Variants in AKAP11 observed in about 807,000 individuals in gnomAD.
AKAP11 encodes A-kinase anchor protein 11.
In AKAP11, 36 loss-of-function variants were observed where a neutral mutation model predicts 146.1. The ratio of observed to expected loss-of-function variants is 0.25; its 90% CI spans 0.19 to 0.33. The LOEUF is 0.33. Ranked by LOEUF, AKAP11 falls within the 10% of genes least tolerant of loss-of-function variation. The pLI is 1.00. For missense variants in AKAP11, 2,201 were observed against 2,197.0 expected (o/e 1.00, Z -0.04); for synonymous variants, 780 against 786.5 (o/e 0.99, Z 0.14).
At chr13:42,303,970 A>G in intron 8 of AKAP11, 107 bp downstream of exon 8, 1 of 1,356,680 alleles carries the variant, frequency 7.4e-7, no homozygotes, top group Admixed American at 3.0e-5. Flanking sequence ...TTAACCCTAC[A>G]TAAACAAAAG....
At chr13:42,272,529 C>A (rs1958798888) in intron 1 of AKAP11, among the ~76,000 whole-genome samples, 2 of 152,168 alleles carry the variant, frequency 1.3e-5, no homozygotes, top group African/African-American at 4.8e-5. Context: ...GCTGCCGCCC[C>A]TTTTAATGAC....
intron 1 of AKAP11, among the ~76,000 whole-genome samples, chr13:42,278,667 A>G (rs1958984679): frequency 6.6e-6 from 1 of 152,198 alleles, no homozygotes; most frequent in African/African-American, 2.4e-5. Flanking sequence ...TTAAACAGTT[A>G]TATTTTAACT....
At chr13:42,299,249 T>A (rs1442671526) in intron 7 of AKAP11, 114 bp from the exon 8 acceptor site, 1 of 852,372 alleles carries the variant, frequency 1.2e-6, no homozygotes, top group Non-Finnish European at 1.8e-6. Flanking sequence ...AAACATAGTT[T>A]AGAAGATACA....
chr13:42,319,327 G>C lies in AKAP11; in HGVS notation c.*99G>C. On this transcript the variant is annotated 3_prime_UTR_variant, in exon 13 of 13. Transcript: ENST00000025301. ...AATTTGAATAGTGAATATTAACATCGTAAGTCAGTTGGGAGGCAAGTAAAT... is the reference window on the plus strand; with the variant it reads ...AATTTGAATAGTGAATATTAACATCCTAAGTCAGTTGGGAGGCAAGTAAAT... 1 of 1,453,756 alleles carries C rather than the reference G, an allele frequency of 6.9e-7. No homozygotes were observed. Among genetic ancestry groups the C allele is most frequent in the Non-Finnish European group, 9.2e-7 (1 of 1,088,794 alleles). 90.1% of individuals were successfully genotyped at this position (1,453,756 alleles called of 1,614,324 possible).
intron 11 of AKAP11, among the ~76,000 whole-genome samples, chr13:42,314,891 G>A (rs1268976353): frequency 2.6e-5 from 4 of 151,902 alleles, no homozygotes; most frequent in African/African-American, 7.3e-5. Context: ...TCATGTTAGA[G>A]TATCTGAGTT....
chr13:42,320,339 A>G lies in AKAP11; in HGVS notation c.*1111A>G, dbSNP rs1346781028. 2.4e-5 allele frequency: 3 copies of G among 125,944 alleles called. No individual in the cohort carries two copies. Among genetic ancestry groups the G allele is most frequent in the African/African-American group, 9.2e-5 (3 of 32,526 alleles). The allele number at this position is 125,944 out of a possible 1,614,324, so 7.8% of individuals were successfully genotyped here. A position where few individuals can be genotyped will look rare whatever the true frequency, so the allele number is the denominator to read the frequency against. On this transcript the variant is annotated 3_prime_UTR_variant, in exon 13 of 13. Coordinates refer to ENST00000025301, the MANE Select transcript of AKAP11 (RefSeq NM_016248.4). Reference sequence around the variant, plus strand: ...CCACCCCGCCCCACCCAGATAAACTATATCTACACTGTCTCGTCAAGTTCT... The same window carrying G: ...CCACCCCGCCCCACCCAGATAAACTGTATCTACACTGTCTCGTCAAGTTCT...
At chr13:42,310,095 A>G (rs1198392973) in intron 9 of AKAP11, among the ~76,000 whole-genome samples, 1 of 152,244 alleles carries the variant, frequency 6.6e-6, no homozygotes, top group East Asian at 1.9e-4. Context: ...GACCAAATCA[A>G]GCTGAGGTTA....
Position 42,300,891 on chromosome 13 carries a change from G to A in AKAP11, c.2145G>A (p.Lys715=). 1.2e-6 allele frequency: 2 copies of A among 1,614,114 alleles called. No individual in the cohort carries two copies. The highest frequency in any genetic ancestry group is 2.2e-5 in the East Asian group (1 of 44,884). ...LSQVDVTFTT[K]AAVSVSTDNI... ...AAGTTGATGTGACCTTTACAACAAA[G>A]GCAGCAGTTAGTGTCTCTACGGATA... The change falls in exon 8 of 13, where the codon AAG becomes AAA. Residue 715 remains lysine, a synonymous_variant. Transcript: ENST00000025301.
In AKAP11 at chr13:42,302,403, TAAC is replaced by T. The variant is rs1211144899; in HGVS notation, c.3660_3662del (p.Asn1220del). On this transcript the variant is annotated inframe_deletion, in exon 8 of 13. Transcript: ENST00000025301. Reference sequence around the variant, plus strand: ...CTGAAATGGCAGCTTCCCATTTAGATAACAAAATAATTCAAGAACCCAAGGTTA... The same window carrying T: ...CTGAAATGGCAGCTTCCCATTTAGATAAAATAATTCAAGAACCCAAGGTTA... 1.2e-6 allele frequency: 2 copies of T among 1,613,978 alleles called. No individual in the cohort carries two copies. Among genetic ancestry groups the T allele is most frequent in the African/African-American group, 1.3e-5 (1 of 74,912 alleles).
rs980954260 is a variant in AKAP11, at chr13:42,286,336, A to G, written c.-13A>G. 2 of 1,590,446 alleles carry G rather than the reference A, an allele frequency of 1.3e-6. No homozygotes were observed. Among genetic ancestry groups the G allele is most frequent in the African/African-American group, 1.4e-5 (1 of 73,760 alleles). Reference sequence around the variant, plus strand: ...ATTAACTCTTCATTGATTATATACAACAAAAAATAGTTATGGCGACTTTCA... The same window carrying G: ...ATTAACTCTTCATTGATTATATACAGCAAAAAATAGTTATGGCGACTTTCA... On this transcript the variant is annotated 5_prime_UTR_variant, in exon 3 of 13. Transcript: ENST00000025301.
Position 42,301,867 on chromosome 13 carries a change from A to G in AKAP11, c.3121A>G (p.Lys1041Glu). Residue 1041 changes from lysine to glutamate, a missense_variant, in exon 8 of 13, where the codon AAG becomes GAG. Around this residue, in one of 3 missense-constraint regions of AKAP11, gnomAD observed 1,867 missense variants for 1,833.5 expected, o/e 1.02. Transcript: ENST00000025301. Reference sequence around the variant, plus strand: ...GAAATCTGACTTGAAGGAATCTGCTAAGGATCAACCACTGAAAAAGCATAA... The same window carrying G: ...GAAATCTGACTTGAAGGAATCTGCTGAGGATCAACCACTGAAAAAGCATAA... Reference protein sequence around the residue: ...GQKSDLKESAKDQPLKKHNLN... With the variant: ...GQKSDLKESAEDQPLKKHNLN... 1.2e-6 allele frequency: 2 copies of G among 1,614,166 alleles called. No individual in the cohort carries two copies. The highest frequency in any genetic ancestry group is 1.7e-6 in the Non-Finnish European group (2 of 1,180,008).
chr13:42,303,048 T>C lies in AKAP11; in HGVS notation c.4302T>C (p.Phe1434=). The C allele has an allele frequency of 6.2e-7, 1 of 1,612,610 alleles. No homozygotes were observed. Among genetic ancestry groups the C allele is most frequent in the Non-Finnish European group, 8.5e-7 (1 of 1,179,730 alleles). ...AAAGTAAAAGAAATGAAGGTTACTT[T>C]TGTAAAAATCAAACTTGTGAAAGGA... ...KRQSKRNEGY[F]CKNQTCERTL... Residue 1434 remains phenylalanine (F), a synonymous_variant, in exon 8 of 13, where the codon TTT becomes TTC. Transcript: ENST00000025301.
At chr13:42,280,010 A>C (rs920474797) in intron 1 of AKAP11, among the ~76,000 whole-genome samples, 3 of 152,184 alleles carry the variant, frequency 2.0e-5, no homozygotes, top group Non-Finnish European at 2.9e-5. Flanking sequence ...AGGTTTTTCT[A>C]TTCTGGTGGA....
chr13:42,300,554 G>A lies in AKAP11; in HGVS notation c.1808G>A (p.Arg603His), dbSNP rs75408491. The A allele has an allele frequency of 1.1e-3, 1,721 of 1,613,912 alleles. 15 individuals are homozygous for A. The African/African-American group carries it at 0.019, about 18-fold the overall frequency. Residue 603 changes from arginine (R) to histidine (H), a missense_variant, in exon 8 of 13, where the codon CGT becomes CAT. Arg to His is a conservative substitution (Grantham distance 29, BLOSUM62 0). This residue lies in a region of AKAP11 where 1,867 missense variants were observed against 1,833.5 expected (regional missense o/e 1.02). Transcript: ENST00000025301. ...GCATTTGATGAGCTGAGAAGGCAGC[G>A]TGCATTTTCACTAAAAGAACGTGCC... ...QMAFDELRRQ[R>H]AFSLKERAIS... is the part of the protein sequence containing the mutation.
At chr13:42,273,276 AT>A (rs979395277) in intron 1 of AKAP11, among the ~76,000 whole-genome samples, 1 of 151,566 alleles carries the variant, frequency 6.6e-6, no homozygotes, top group African/African-American at 2.4e-5. Flanking sequence ...GCACAGATAT[AT>A]TTTTTTTAAT....
intron 8 of AKAP11, among the ~76,000 whole-genome samples, chr13:42,304,671 TG>T (rs1295395878): frequency 6.6e-6 from 1 of 152,224 alleles, no homozygotes; most frequent in Non-Finnish European, 1.5e-5. Context: ...TTCTCTTGAT[TG>T]GTTCACAATC....
rs544418007 is a variant in AKAP11 at position 42,299,551 on chromosome 13, A to G, written c.805A>G (p.Thr269Ala). ...ACTACCTTCTGTGAAAACTTCAGTC[A>G]CAACATCAATTTCAGAGCCTTGGAC... ...KELPSVKTSVTTSISEPWTQR... is the reference protein window; with the variant it reads ...KELPSVKTSVATSISEPWTQR... The change falls in exon 8 of 13, where the codon ACA becomes GCA. Residue 269 changes from threonine (T) to alanine (A), a missense_variant. Thr to Ala is a moderately conservative substitution (Grantham distance 58, BLOSUM62 0). Coordinates refer to ENST00000025301, the MANE Select transcript of AKAP11 (RefSeq NM_016248.4). 5.6e-6 allele frequency: 9 copies of G among 1,614,030 alleles called. No homozygotes were observed. The African/African-American group carries it at 1.1e-4, about 19-fold the overall frequency.
Position 42,300,627 on chromosome 13 carries a change from C to T in AKAP11, c.1881C>T (p.Ala627=). 6.2e-7 allele frequency: 1 copy of T among 1,613,972 alleles called. No individual in the cohort carries two copies. Among genetic ancestry groups the T allele is most frequent in the South Asian group, 1.1e-5 (1 of 91,066 alleles). The part of the protein sequence containing the change: ...NFLVSEALSN[A]LKDLQYVKKQ... ...TGGTGAGTGAAGCTTTATCAAATGC[C>T]TTAAAAGATTTACAGTATGTAAAGA... Residue 627 remains alanine, a synonymous_variant, in exon 8 of 13, where the codon GCC becomes GCT. Coordinates refer to ENST00000025301, the MANE Select transcript of AKAP11 (RefSeq NM_016248.4).
intron 9 of AKAP11, among the ~76,000 whole-genome samples, chr13:42,312,759 T>C (rs181288336): frequency 6.6e-6 from 1 of 152,232 alleles, no homozygotes. Flanking sequence ...ACTTATTACT[T>C]CATGCATTCA....
Sources: allele counts gnomAD v4.1 joint callset (sites outside exome capture counted in the v4.1 genomes callset), GRCh38; gene constraint gnomAD v4.1.1; regional missense constraint gnomAD v4.1.1; transcripts MANE v1.5; gene names NCBI Gene and HGNC (gene_info 2026-07-23, HGNC 2026-07-21).